INPP4B: variants seen among roughly 807,000 people sequenced by gnomAD.
The protein encoded by INPP4B is inositol polyphosphate 4-phosphatase type II.
In INPP4B, 55 loss-of-function variants were observed where a neutral mutation model predicts 122.5. That is an observed-to-expected ratio of 0.45 (90% CI 0.36 to 0.56). The LOEUF is 0.56. Among genes scored for constraint, INPP4B ranks in the 20% least tolerant of loss-of-function variants. INPP4B has a pLI of 0.00. For missense variants in INPP4B, 1,000 were observed against 1,097.7 expected (o/e 0.91, Z 1.26); for synonymous variants, 403 against 388.7 (o/e 1.04, Z -0.43).
rs762630542 is a variant in INPP4B at position 142,613,692 on chromosome 4, A to T, written c.-191+112147T>A. On this transcript the variant is annotated intron_variant, in intron 2 of 25. Transcript: ENST00000262992. ...TGTTTAAATCATTTAACAAAAAGCT[A>T]TACAATAACAAATGGAGAATGTAAA... Among the ~76,000 whole-genome samples, 18 of 152,222 alleles carry T rather than the reference A, an allele frequency of 1.2e-4. 1 individual carries two copies. Among genetic ancestry groups the T allele is most frequent in the African/African-American group, 3.9e-4 (16 of 41,464 alleles).
chr4:142,780,465 A>T (rs1475858995), intron 1 of INPP4B, among the ~76,000 whole-genome samples: 1 of 152,184 alleles, frequency 6.6e-6, no homozygotes, highest in African/African-American at 2.4e-5. Flanking sequence ...AAACACATAC[A>T]CTTAGCACTA....
At chr4:142,075,301 A>G (rs1449784257) in intron 25 of INPP4B, among the ~76,000 whole-genome samples, 1 of 151,890 alleles carries the variant, frequency 6.6e-6, no homozygotes, top group East Asian at 1.9e-4. Flanking sequence ...ATTACAGGAT[A>G]TCCTAACTTG....
chr4:142,638,490 T>C (rs879273013), intron 2 of INPP4B, among the ~76,000 whole-genome samples: 1 of 152,144 alleles, frequency 6.6e-6, no homozygotes, highest in Non-Finnish European at 1.5e-5. Context: ...CAGTTGACTA[T>C]GTTAGTCTAT....
intron 1 of INPP4B, among the ~76,000 whole-genome samples, chr4:142,728,091 C>T (rs1367960302): frequency 6.6e-6 from 1 of 152,188 alleles, no homozygotes; most frequent in Non-Finnish European, 1.5e-5. Flanking sequence ...GGTCCACTCA[C>T]AGTGCCCATT....
chr4:142,679,044 T>G (rs1474517337), intron 2 of INPP4B, among the ~76,000 whole-genome samples: 1 of 151,892 alleles, frequency 6.6e-6, no homozygotes, highest in Non-Finnish European at 1.5e-5. Flanking sequence ...ACAGATTCCC[T>G]TTCATCTACT....
At chr4:142,757,064 C>A (rs1770612101) in intron 1 of INPP4B, among the ~76,000 whole-genome samples, 1 of 152,102 alleles carries the variant, frequency 6.6e-6, no homozygotes, top group African/African-American at 2.4e-5. Context: ...TGGCTTCCAG[C>A]CCCAGATAGA....
intron 7 of INPP4B, among the ~76,000 whole-genome samples, chr4:142,375,484 A>G (rs1791499777): frequency 6.6e-6 from 1 of 151,916 alleles, no homozygotes. Flanking sequence ...TTAATAAAAA[A>G]GTCATTTCCA....
chr4:142,367,049 T>C (rs1787767836), intron 7 of INPP4B, among the ~76,000 whole-genome samples: 3 of 152,084 alleles, frequency 2.0e-5, no homozygotes. Flanking sequence ...GAACCATATG[T>C]ACTAAAAACT....
chr4:142,596,822 A>G (rs902452928), intron 2 of INPP4B, among the ~76,000 whole-genome samples: 1 of 152,202 alleles, frequency 6.6e-6, no homozygotes, highest in African/African-American at 2.4e-5. Flanking sequence ...GTGGAAATCA[A>G]TAAAGTAGAA....
intron 7 of INPP4B, among the ~76,000 whole-genome samples, chr4:142,390,951 A>G (rs1379368035): frequency 1.3e-5 from 2 of 152,198 alleles, no homozygotes; most frequent in Non-Finnish European, 2.9e-5. Context: ...ACTCTTCAAT[A>G]CAGGTTTCTA....
chr4:142,213,126 A>G (rs1263471766), intron 12 of INPP4B, among the ~76,000 whole-genome samples: 2 of 152,168 alleles, frequency 1.3e-5, no homozygotes, highest in Non-Finnish European at 2.9e-5. Flanking sequence ...TGGATTAGGC[A>G]TTCTTAGGCT....
chr4:142,433,996 G>A (rs766359038), intron 3 of INPP4B, among the ~76,000 whole-genome samples: 8 of 152,106 alleles, frequency 5.3e-5, no homozygotes, highest in Non-Finnish European at 1.0e-4. Flanking sequence ...ATTTCTTAGT[G>A]ATTACATGTA....
intron 2 of INPP4B, among the ~76,000 whole-genome samples, chr4:142,650,753 C>T (rs115590527): frequency 0.025 from 3,780 of 152,274 alleles, 70 homozygotes; most frequent in Non-Finnish European, 0.041. Context: ...GAGATTTAGA[C>T]ACCCACACAA....
chr4:142,412,168 G>A (rs1270541340), intron 5 of INPP4B, among the ~76,000 whole-genome samples: 2 of 151,952 alleles, frequency 1.3e-5, no homozygotes, highest in African/African-American at 2.4e-5. Flanking sequence ...ATAAATTATT[G>A]GACTCCATTA....
Position 142,654,380 on chromosome 4 carries a change from A to C in INPP4B, c.-191+71459T>G, listed in dbSNP as rs1753711503. ...GAACTTAAAGTATAAAAAAAAAAAAAAAAAAAAAACATAAAATGAGTTAGA... is the reference window on the plus strand; with the variant it reads ...GAACTTAAAGTATAAAAAAAAAAAACAAAAAAAAACATAAAATGAGTTAGA... On this transcript the variant is annotated intron_variant, in intron 2 of 25. Coordinates refer to ENST00000262992, the MANE Select transcript of INPP4B (RefSeq NM_001101669.3). 1.3e-5 allele frequency: 2 copies of C among 150,994 alleles called. 1 individual carries two copies. Among genetic ancestry groups the C allele is most frequent in the African/African-American group, 4.9e-5 (2 of 41,164 alleles). The allele number at this position is 150,994 out of a possible 1,614,324, so 9.4% of individuals were successfully genotyped here. A position where few individuals can be genotyped will look rare whatever the true frequency, so the allele number is the denominator to read the frequency against.
chr4:142,369,587 AAAAT>A (rs34391492), intron 7 of INPP4B, among the ~76,000 whole-genome samples: 1,863 of 142,444 alleles, frequency 0.013, 23 homozygotes, highest in African/African-American at 0.031. Context: ...GAAAATTAAA[AAAAT>A]AAATAAATAA....
At chr4:142,716,356 T>C (rs199668116) in intron 2 of INPP4B, among the ~76,000 whole-genome samples, 1 of 152,364 alleles carries the variant, frequency 6.6e-6, no homozygotes, top group East Asian at 1.9e-4. Context: ...GCTTCAAGTA[T>C]GGCTAGATTC....
intron 7 of INPP4B, among the ~76,000 whole-genome samples, chr4:142,320,573 T>G (rs1022352410): frequency 9.9e-5 from 15 of 152,184 alleles, no homozygotes; most frequent in Non-Finnish European, 2.1e-4. Flanking sequence ...TTGGTGGTGA[T>G]TTCCGAGATT....
intron 21 of INPP4B, among the ~76,000 whole-genome samples, chr4:142,113,444 C>T (rs2152708846): frequency 6.6e-6 from 1 of 152,034 alleles, no homozygotes; most frequent in East Asian, 1.9e-4. Flanking sequence ...AGAGTGGTGG[C>T]ATTGTAAGAT....
Sources: gnomAD v4.1 joint callset for allele counts (sites outside exome capture counted in the v4.1 genomes callset) on GRCh38, gnomAD v4.1.1 for gene constraint, MANE v1.5 for transcripts, NCBI Gene and HGNC (gene_info 2026-07-23, HGNC 2026-07-21) for gene names.